MXRA7: variants seen among roughly 807,000 people sequenced by gnomAD.
The protein encoded by MXRA7 is matrix remodeling associated 7, also known as matrix-remodeling-associated protein 7.
In MXRA7, 18 loss-of-function variants were observed where a neutral mutation model predicts 17.4. That is an observed-to-expected ratio of 1.03 (90% confidence interval 0.71 to 1.53). MXRA7 has a LOEUF of 1.53. Ranked by LOEUF, MXRA7 falls within the 40% of genes most tolerant of loss-of-function variation. MXRA7 has a pLI of 0.00. For missense variants in MXRA7, 141 were observed against 209.3 expected (o/e 0.67, Z 2.01); for synonymous variants, 70 against 101.7 (o/e 0.69, Z 1.87).
intron 1 of MXRA7, among the ~76,000 whole-genome samples, chr17:76,703,363 T>C (rs1598359773): frequency 6.6e-6 from 1 of 152,162 alleles, no homozygotes; most frequent in Admixed American, 6.6e-5. Flanking sequence ...GGCTCGCACC[T>C]GTAATCCCAG....
chr17:76,680,195 C>A lies in MXRA7; in HGVS notation c.*672G>T. The A allele has an allele frequency of 1.1e-6, 1 of 910,000 alleles. No homozygotes were observed. The highest frequency in any genetic ancestry group is 1.3e-6 in the Non-Finnish European group (1 of 762,646). The allele number at this position is 910,000 out of a possible 1,614,324, so 56.4% of individuals were successfully genotyped here. ...GGAGATTTGGCTGAGCTGGTAAGAA[C>A]CTCAGTGAAAAGGTGTCTTAGCAAT... On this transcript the variant is annotated 3_prime_UTR_variant, in exon 4 of 4. Transcript: ENST00000449428.
intron 1 of MXRA7, among the ~76,000 whole-genome samples, chr17:76,694,845 C>T (rs1160668986): frequency 1.3e-5 from 2 of 152,138 alleles, no homozygotes; most frequent in African/African-American, 4.8e-5. Context: ...CTCAGCCTCC[C>T]TGCTTCTGGC....
chr17:76,682,754 C>T (rs371531392), intron 3 of MXRA7, among the ~76,000 whole-genome samples: 1 of 152,104 alleles, frequency 6.6e-6, no homozygotes, highest in Admixed American at 6.5e-5. Context: ...TGGGAATGAA[C>T]GTGAACTCCA....
rs1161972808 is a variant in MXRA7, at chr17:76,689,407, G to C, written c.343-1231C>G. 3 of 152,546 alleles carry C rather than the reference G, an allele frequency of 2.0e-5. No homozygotes were observed. The East Asian group carries it at 5.8e-4, about 29-fold the overall frequency. The allele number at this position is 152,546 out of a possible 1,614,324, so 9.4% of individuals were successfully genotyped here. On this transcript the variant is annotated intron_variant, in intron 1 of 3. Transcript: ENST00000449428. ...TGTGCCTGGCCTGAGGGACTTCCTT[G>C]ACTACACAAAATGCTGCCTGGGGGG...
chr17:76,693,906 C>T (rs11657595), intron 1 of MXRA7, among the ~76,000 whole-genome samples: 42,982 of 152,112 alleles, frequency 0.28, 7,273 homozygotes, highest in Non-Finnish European at 0.38. Flanking sequence ...ACTTTATATA[C>T]AGGATGTAAT....
intron 3 of MXRA7, 25 bp downstream of exon 3, chr17:76,685,047 C>T (rs200807981): frequency 1.1e-4 from 175 of 1,600,494 alleles, no homozygotes; most frequent in South Asian, 1.3e-4. Context: ...GCCCGCCAGG[C>T]GCCAGCGAAG....
intron 3 of MXRA7, among the ~76,000 whole-genome samples, chr17:76,683,525 A>G (rs2076338739): frequency 1.3e-5 from 2 of 152,164 alleles, no homozygotes; most frequent in South Asian, 2.1e-4. Context: ...CGACATCCAC[A>G]TTTCCGAAGC....
chr17:76,682,119 A>G (rs12946912), intron 3 of MXRA7, among the ~76,000 whole-genome samples: 25 of 152,316 alleles, frequency 1.6e-4, no homozygotes, highest in Middle Eastern at 3.4e-3. Flanking sequence ...TGACCACTTC[A>G]GCATGTCGGG....
intron 1 of MXRA7, among the ~76,000 whole-genome samples, chr17:76,706,170 G>GTCACAGAGGCCCATGCTGCCA (rs2076653911): frequency 2.8e-5 from 2 of 72,458 alleles, no homozygotes; most frequent in Non-Finnish European, 5.6e-5. Flanking sequence ...CCACGCTGCC[G>GTCACAGAGGCCCATGCTGCCA]TCACAGAGGC....
At chr17:76,693,422 G>A (rs1294254292) in intron 1 of MXRA7, among the ~76,000 whole-genome samples, 3 of 144,504 alleles carry the variant, frequency 2.1e-5, no homozygotes, top group Non-Finnish European at 3.0e-5. Context: ...CTGAGATCAC[G>A]CCACTGCAAT....
At chr17:76,693,661 C>T (rs11656596) in intron 1 of MXRA7, among the ~76,000 whole-genome samples, 3,183 of 152,046 alleles carry the variant, frequency 0.021, 67 homozygotes, top group Middle Eastern at 0.037. Flanking sequence ...CCCTGGGCAA[C>T]ATGTCAAACC....
chr17:76,706,170 G>GCCACAGAGGCCCACGCTGCCA (rs2076653834), intron 1 of MXRA7, among the ~76,000 whole-genome samples: 2 of 72,458 alleles, frequency 2.8e-5, no homozygotes, highest in African/African-American at 1.1e-4. Context: ...CCACGCTGCC[G>GCCACAGAGGCCCACGCTGCCA]TCACAGAGGC....
At chr17:76,699,899 C>G (rs993520798) in intron 1 of MXRA7, among the ~76,000 whole-genome samples, 10 of 152,174 alleles carry the variant, frequency 6.6e-5, no homozygotes, top group Non-Finnish European at 1.0e-4. Context: ...TGCTTTATGT[C>G]CTGGGCTTCC....
chr17:76,677,468 A>T, downstream of MXRA7: 1 of 668,146 alleles, frequency 1.5e-6, no homozygotes, highest in South Asian at 1.7e-5. Context: ...TATAGAATGT[A>T]CGCCTGCATC....
chr17:76,678,455 G>GT (rs2076258794), downstream of MXRA7, among the ~76,000 whole-genome samples: 1 of 152,136 alleles, frequency 6.6e-6, no homozygotes, highest in Non-Finnish European at 1.5e-5. Context: ...AACACCTCAG[G>GT]TGGGGCGAGG....
intron 1 of MXRA7, chr17:76,688,958 GCTCC>G (rs1177368205): frequency 3.1e-5 from 7 of 227,624 alleles, no homozygotes; most frequent in African/African-American, 1.4e-4. Context: ...CTCACGGGAG[GCTCC>G]CTAACAAAAC....
downstream of MXRA7, chr17:76,677,707 C>G: frequency 6.2e-7 from 1 of 1,608,362 alleles, no homozygotes. Flanking sequence ...TGAACTCTGT[C>G]GAGAAGAAAG....
At chr17:76,707,291 CTTTTTTTTTTTTTTTTTTT>C (rs56067261) in intron 1 of MXRA7, among the ~76,000 whole-genome samples, 2 of 96,092 alleles carry the variant, frequency 2.1e-5, no homozygotes, top group African/African-American at 4.8e-5. Flanking sequence ...AGTCCCTACT[CTTTTTTTTTTTTTTTTTTT>C]TTTTTTTTTT....
intron 2 of MXRA7, 77 bp downstream of exon 2, chr17:76,688,036 C>T: frequency 7.1e-7 from 1 of 1,400,578 alleles, no homozygotes; most frequent in South Asian, 1.2e-5. Context: ...CGAACCCCAG[C>T]TCCTGTGATC....
Sources: allele counts gnomAD v4.1 joint callset (sites outside exome capture counted in the v4.1 genomes callset), GRCh38; gene constraint gnomAD v4.1.1; transcripts MANE v1.5; gene names NCBI Gene and HGNC (gene_info 2026-07-23, HGNC 2026-07-21).